ATE1: variants seen among roughly 807,000 people sequenced by gnomAD.
The protein encoded by ATE1 is arginyltransferase 1, also known as arginyl-tRNA--protein transferase 1.
Under a neutral mutation model 70.5 loss-of-function variants are expected in ATE1, and 36 were observed. That is an observed-to-expected ratio of 0.51 (90% confidence interval 0.39 to 0.67). The LOEUF (loss-of-function observed/expected upper bound fraction) is 0.67, where lower values mean the gene tolerates loss of function less well. ATE1 is among the 30% of genes least tolerant of loss of function. ATE1 has a pLI of 0.00. For missense variants in ATE1, 593 were observed against 629.5 expected (o/e 0.94, Z 0.62); for synonymous variants, 232 against 219.3 (o/e 1.06, Z -0.51).
chr10:121,856,318 G>A (rs1010016951), intron 8 of ATE1, among the ~76,000 whole-genome samples: 6 of 151,548 alleles, frequency 4.0e-5, no homozygotes, highest in Admixed American at 3.3e-4. Context: ...TCACTTGAGG[G>A]CAGGAGTTGG....
At chr10:121,753,154 G>A (rs1178592138) in intron 11 of ATE1, among the ~76,000 whole-genome samples, 1 of 152,180 alleles carries the variant, frequency 6.6e-6, no homozygotes, top group Non-Finnish European at 1.5e-5. Flanking sequence ...CTGTTTAAGT[G>A]TGTAGGATAA....
At chr10:121,832,045 C>T (rs1345826334) in intron 10 of ATE1, among the ~76,000 whole-genome samples, 1 of 152,208 alleles carries the variant, frequency 6.6e-6, no homozygotes, top group Non-Finnish European at 1.5e-5. Context: ...AAAGGAGTGA[C>T]ATGATCTTCC....
chr10:121,747,820 C>A (rs2935705), intron 11 of ATE1, among the ~76,000 whole-genome samples: 146,933 of 152,344 alleles, frequency 0.96, 71,046 homozygotes, highest in East Asian at 1. Flanking sequence ...TTTAACATGT[C>A]CTAGGTTATC....
intron 8 of ATE1, among the ~76,000 whole-genome samples, chr10:121,848,354 T>C (rs1948918955): frequency 6.6e-6 from 1 of 152,032 alleles, no homozygotes; most frequent in South Asian, 2.1e-4. Flanking sequence ...TGGTGGCTCA[T>C]GCGTGTAATC....
intron 11 of ATE1, among the ~76,000 whole-genome samples, chr10:121,774,021 C>T (rs1945631278): frequency 6.6e-6 from 1 of 152,142 alleles, no homozygotes; most frequent in African/African-American, 2.4e-5. Context: ...AATGGTACTT[C>T]CACTTTTTCT....
At chr10:121,889,109 G>A (rs1440542255) in intron 7 of ATE1, among the ~76,000 whole-genome samples, 1 of 152,074 alleles carries the variant, frequency 6.6e-6, no homozygotes, top group Non-Finnish European at 1.5e-5. Context: ...TGCGTCCTGG[G>A]TTTAAGCGAT....
intron 5 of ATE1, among the ~76,000 whole-genome samples, chr10:121,905,827 C>A (rs1439829221): frequency 2.7e-5 from 4 of 147,276 alleles, no homozygotes; most frequent in African/African-American, 1.0e-4. Context: ...GCCTAAGCAA[C>A]ACAGCGAGAC....
At position 121,791,963 on chromosome 10, in the gene ATE1, TGAAGCATA is replaced by T; in HGVS notation, c.1258-1682_1258-1675del. 2.0e-5 allele frequency among the ~76,000 whole-genome samples: 3 copies of T among 152,300 alleles called. No individual in the cohort carries two copies. The South Asian group carries it at 6.2e-4, about 32-fold the overall frequency. ...ACCAGGTGCTGTGTGAGTCACCATA[TGAAGCATA>T]GATACAAAATGAACACCACGTCCTA... On this transcript the variant is annotated intron_variant, in intron 10 of 11. Coordinates refer to ENST00000224652, the MANE Select transcript of ATE1 (RefSeq NM_001001976.3).
chr10:121,842,205 A>T lies in ATE1; in HGVS notation c.976-942T>A, dbSNP rs112861270. On this transcript the variant is annotated intron_variant, in intron 8 of 11. Transcript: ENST00000224652. ...ATTTAACTATAACTTCACAGGAAAAATCTAGAGATTTCAGAATATAACCAT... is the reference window on the plus strand; with the variant it reads ...ATTTAACTATAACTTCACAGGAAAATTCTAGAGATTTCAGAATATAACCAT... 3.4e-3 allele frequency among the ~76,000 whole-genome samples: 517 copies of T among 152,318 alleles called. 4 individuals carry two copies. Among genetic ancestry groups the T allele is most frequent in the African/African-American group, 0.012 (492 of 41,580 alleles).
chr10:121,869,761 GA>G (rs1172010127), intron 8 of ATE1, among the ~76,000 whole-genome samples: 4 of 151,934 alleles, frequency 2.6e-5, no homozygotes, highest in Non-Finnish European at 5.9e-5. Context: ...TACTTATTCA[GA>G]AAGAAAATAT....
intron 11 of ATE1, among the ~76,000 whole-genome samples, chr10:121,765,598 C>CT (rs1945248213): frequency 6.6e-6 from 1 of 152,164 alleles, no homozygotes; most frequent in Non-Finnish European, 1.5e-5. Context: ...TGCCACTTGG[C>CT]TTTAAAAATA....
intron 11 of ATE1, among the ~76,000 whole-genome samples, chr10:121,788,715 G>GA (rs1946312036): frequency 6.6e-6 from 1 of 152,118 alleles, no homozygotes; most frequent in Admixed American, 6.6e-5. Context: ...GTGGTAGCTA[G>GA]AAAAATGTTT....
upstream of ATE1, chr10:121,928,372 A>G: frequency 6.5e-7 from 1 of 1,533,134 alleles, no homozygotes; most frequent in Non-Finnish European, 8.8e-7. Flanking sequence ...CCTCCTTGGA[A>G]TCGCAGTAGC....
intron 7 of ATE1, among the ~76,000 whole-genome samples, chr10:121,887,121 G>A (rs1950425255): frequency 6.6e-6 from 1 of 152,096 alleles, no homozygotes; most frequent in African/African-American, 2.4e-5. Flanking sequence ...CTTGGGCTGT[G>A]AACACACAAC....
intron 11 of ATE1, among the ~76,000 whole-genome samples, chr10:121,773,697 T>C (rs1270107688): frequency 6.6e-6 from 1 of 152,186 alleles, no homozygotes; most frequent in Admixed American, 6.5e-5. Flanking sequence ...AGGTCCTATA[T>C]ACAGCAGTAT....
intron 10 of ATE1, among the ~76,000 whole-genome samples, chr10:121,801,269 C>G (rs1478116227): frequency 6.6e-6 from 1 of 152,152 alleles, no homozygotes; most frequent in Non-Finnish European, 1.5e-5. Flanking sequence ...TTCTCAAAGG[C>G]TCCGGGACTT....
intron 7 of ATE1, among the ~76,000 whole-genome samples, chr10:121,884,105 CAAAAAAAAAAAAAAAAA>C (rs56040116): frequency 2.3e-5 from 1 of 43,416 alleles, no homozygotes; most frequent in Non-Finnish European, 3.6e-5. Context: ...GACCCAGACT[CAAAAAAAAAAAAAAAAA>C]AAAAAAAAAG....
At chr10:121,918,500 G>A (rs1040690863) in intron 3 of ATE1, among the ~76,000 whole-genome samples, 5 of 152,132 alleles carry the variant, frequency 3.3e-5, no homozygotes, top group Non-Finnish European at 5.9e-5. Context: ...CCATGTAACA[G>A]GCACCAAATA....
intron 10 of ATE1, among the ~76,000 whole-genome samples, chr10:121,796,425 T>C (rs958871762): frequency 6.6e-6 from 1 of 152,208 alleles, no homozygotes; most frequent in Admixed American, 6.5e-5. Flanking sequence ...CTATGATTCC[T>C]GACTTCACCA....
Sources: gnomAD v4.1 joint callset for allele counts (sites outside exome capture counted in the v4.1 genomes callset) on GRCh38, gnomAD v4.1.1 for gene constraint, MANE v1.5 for transcripts, NCBI Gene and HGNC (gene_info 2026-07-23, HGNC 2026-07-21) for gene names.